Variants in TIFA observed in about 807,000 individuals in gnomAD.
The protein encoded by TIFA is TRAF-interacting protein with FHA domain-containing protein A.
For missense variants in TIFA, 186 were observed against 215.2 expected (o/e 0.86, Z 0.85); for synonymous variants, 75 against 79.2 (o/e 0.95, Z 0.28).
chr4:112,284,290 A>AACAC (rs10522966), intron 1 of TIFA, among the ~76,000 whole-genome samples: 6 of 149,922 alleles, frequency 4.0e-5, no homozygotes, highest in South Asian at 4.2e-4. Flanking sequence ...CCTGCAACAC[A>AACAC]ACACACACAC....
chr4:112,281,780 C>A (rs1439280763), intron 1 of TIFA: 3 of 152,078 alleles, frequency 2.0e-5, no homozygotes, highest in Non-Finnish European at 4.4e-5. Context: ...AGTCTGGGTC[C>A]CAGAGGGAAG....
rs752175610 is a variant in TIFA, at chr4:112,277,889, C to T, written c.528G>A (p.Pro176=). 14 of 1,597,692 alleles carry T rather than the reference C, an allele frequency of 8.8e-6. No homozygotes were observed. In the Admixed American group the frequency reaches 1.6e-4, roughly 19 times the overall value. Residue 176 remains proline, a synonymous_variant, in exon 2 of 2, where the codon CCG becomes CCA. Transcript: ENST00000361717. ...YSLCSSQSSS[P]TEMDENES is the part of the protein sequence containing the mutation. ...ATGACTCATTTTCATCCATTTCTGT[C>T]GGAGAACTGCTTTGGGAGGAGCAGA...
chr4:112,278,877 T>C (rs1051707504), intron 1 of TIFA, among the ~76,000 whole-genome samples: 2 of 152,188 alleles, frequency 1.3e-5, no homozygotes, highest in Admixed American at 1.3e-4. Context: ...AAAGCAAACA[T>C]AGTTTATTAA....
At position 112,278,411 on chromosome 4, in the gene TIFA, G is replaced by A. The variant is rs938463738; in HGVS notation, c.6C>T (p.Thr2=). The A allele has an allele frequency of 2.4e-5, 38 of 1,551,366 alleles. No individual in the cohort carries two copies. The highest frequency in any genetic ancestry group is 3.3e-5 in the Non-Finnish European group (38 of 1,151,128). The part of the protein sequence containing the change: M[T]SFEDADTEET... ...CTTCTGTGTCAGCATCTTCAAAACT[G>A]GTCATGATGTGCACAAGGCCCACCT... is the stretch of plus-strand genomic sequence containing the variant. The change falls in exon 2 of 2, where the codon ACC becomes ACT. Residue 2 remains threonine (T), a synonymous_variant. Transcript: ENST00000361717.
At chr4:112,281,419 C>CTA (rs1204428929) in intron 1 of TIFA, among the ~76,000 whole-genome samples, 1 of 152,152 alleles carries the variant, frequency 6.6e-6, no homozygotes, top group Non-Finnish European at 1.5e-5. Flanking sequence ...GATATATTAT[C>CTA]CACTGTTAGA....
chr4:112,279,735 C>T (rs1462197844), intron 1 of TIFA, among the ~76,000 whole-genome samples: 4 of 151,638 alleles, frequency 2.6e-5, no homozygotes, highest in African/African-American at 9.7e-5. Context: ...GGCGCAATCT[C>T]AGCTCACTGC....
At chr4:112,280,423 C>T (rs1018828062) in intron 1 of TIFA, among the ~76,000 whole-genome samples, 2 of 132,464 alleles carry the variant, frequency 1.5e-5, no homozygotes, top group East Asian at 4.6e-4. Context: ...GATCTTGGCT[C>T]ACTGCAACCT....
Position 112,278,420 on chromosome 4 carries a change from G to A in TIFA, c.-4C>T, listed in dbSNP as rs369263822. On this transcript the variant is annotated 5_prime_UTR_variant, in exon 2 of 2. Coordinates refer to ENST00000361717, the MANE Select transcript of TIFA (RefSeq NM_052864.3). ...CAGCATCTTCAAAACTGGTCATGATGTGCACAAGGCCCACCTGCAATAATT... is the reference window on the plus strand; with the variant it reads ...CAGCATCTTCAAAACTGGTCATGATATGCACAAGGCCCACCTGCAATAATT... The A allele has an allele frequency of 6.5e-7, 1 of 1,544,572 alleles. No individual in the cohort carries two copies. Among genetic ancestry groups the A allele is most frequent in the Non-Finnish European group, 8.7e-7 (1 of 1,148,176 alleles).
At chr4:112,282,875 G>C (rs1341772007) in intron 1 of TIFA, among the ~76,000 whole-genome samples, 1 of 152,130 alleles carries the variant, frequency 6.6e-6, no homozygotes, top group Non-Finnish European at 1.5e-5. Context: ...GCACATTCTG[G>C]GTGTGGATAA....
At position 112,278,287 on chromosome 4, in the gene TIFA, T is replaced by A. The variant is rs1727160438; in HGVS notation, c.130A>T (p.Ser44Cys). The A allele has an allele frequency of 1.9e-6, 3 of 1,614,032 alleles. No individual in the cohort carries two copies. The African/African-American group carries it at 4.0e-5, about 22-fold the overall frequency. The change falls in exon 2 of 2, where the codon AGC becomes TGC. Residue 44 changes from serine (S) to cysteine (C), a missense_variant. Coordinates refer to ENST00000361717, the MANE Select transcript of TIFA (RefSeq NM_052864.3). ...TTTCGGCCAAATTTCACCACTTCGC[T>A]GGAAGGGAGTTTCTCTCTGTTAAAA... ...ISFNREKLPS[S>C]EVVKFGRNSN... is the part of the protein sequence containing the mutation.
intron 1 of TIFA, among the ~76,000 whole-genome samples, chr4:112,280,342 CCTTTTT>C (rs1317398541): frequency 8.7e-6 from 1 of 114,480 alleles, no homozygotes. Flanking sequence ...GCTGGCATTT[CCTTTTT>C]TTTTTTTTTT....
intron 1 of TIFA, among the ~76,000 whole-genome samples, chr4:112,284,732 G>A (rs1376351957): frequency 6.6e-6 from 1 of 151,970 alleles, no homozygotes; most frequent in African/African-American, 2.4e-5. Flanking sequence ...CACAGGAGGG[G>A]AACAGAAACT....
rs1247939258 is a variant in TIFA, at chr4:112,285,700, G to A, written c.-79C>T. 6.6e-6 allele frequency: 1 copy of A among 152,398 alleles called. No individual in the cohort carries two copies. Among genetic ancestry groups the A allele is most frequent in the Non-Finnish European group, 1.5e-5 (1 of 68,192 alleles). 9.4% of individuals were successfully genotyped at this position (152,398 alleles called of 1,614,324 possible). A position where few individuals can be genotyped will look rare whatever the true frequency, so the allele number is the denominator to read the frequency against. The stretch of plus-strand genomic sequence containing the variant: ...TTCGGCTCTCCCGGCTCAGAGCGAG[G>A]GGAATCGAGGAGACTGGGCGCAGGA... On this transcript the variant is annotated 5_prime_UTR_variant, in exon 1 of 2. Coordinates refer to ENST00000361717, the MANE Select transcript of TIFA (RefSeq NM_052864.3).
intron 1 of TIFA, among the ~76,000 whole-genome samples, chr4:112,279,690 G>A (rs1443695471): frequency 8.2e-6 from 1 of 122,534 alleles, no homozygotes; most frequent in Non-Finnish European, 1.7e-5. Context: ...TTTTTTTTTT[G>A]AGACAGGTCT....
chr4:112,275,422 C>T lies in TIFA; in HGVS notation c.*2440G>A, dbSNP rs573313009. ...TGGTAGCTTTCCTCTAACAACCCCG[C>T]TTTGGGGTTGGGTAGCTCAGGCAGA... On this transcript the variant is annotated 3_prime_UTR_variant, in exon 2 of 2. Transcript: ENST00000361717. The T allele has an allele frequency of 1.3e-5, 2 of 152,288 alleles. No homozygotes were observed. Among genetic ancestry groups the T allele is most frequent in the African/African-American group, 4.8e-5 (2 of 41,540 alleles). 9.4% of individuals were successfully genotyped at this position (152,288 alleles called of 1,614,324 possible). A position where few individuals can be genotyped will look rare whatever the true frequency, so the allele number is the denominator to read the frequency against.
intron 1 of TIFA, among the ~76,000 whole-genome samples, chr4:112,281,310 G>A (rs1727223885): frequency 6.6e-6 from 1 of 152,138 alleles, no homozygotes; most frequent in African/African-American, 2.4e-5. Context: ...GTTTTTGTAT[G>A]CTTTATATAA....
Position 112,276,530 on chromosome 4 carries a change from A to T in TIFA, c.*1332T>A, listed in dbSNP as rs1727116585. The T allele has an allele frequency of 6.6e-6, 1 of 152,586 alleles. No individual in the cohort carries two copies. The highest frequency in any genetic ancestry group is 2.4e-5 in the African/African-American group (1 of 41,452). The allele number at this position is 152,586 out of a possible 1,614,324, so 9.5% of individuals were successfully genotyped here. A position where few individuals can be genotyped will look rare whatever the true frequency, so the allele number is the denominator to read the frequency against. ...GGCCATTACTCTGGGCATCACAGGG[A>T]ATAAACAGGAAAACCAGACACAGGA... On this transcript the variant is annotated 3_prime_UTR_variant, in exon 2 of 2. Transcript: ENST00000361717.
rs1727317352 is a variant in TIFA, at chr4:112,285,849, C to T, written c.-228G>A. 1 of 152,372 alleles carries T rather than the reference C, an allele frequency of 6.6e-6. No homozygotes were observed. Among genetic ancestry groups the T allele is most frequent in the Non-Finnish European group, 1.5e-5 (1 of 68,144 alleles). 9.4% of individuals were successfully genotyped at this position (152,372 alleles called of 1,614,324 possible). A position where few individuals can be genotyped will look rare whatever the true frequency, so the allele number is the denominator to read the frequency against. ...CCTCCCGCGCTCCCGCGCGCGCGGC[C>T]TGCCTTCCCACTGGCTGGCAGAGCA... On this transcript the variant is annotated 5_prime_UTR_variant, in exon 1 of 2. Transcript: ENST00000361717.
At chr4:112,285,163 A>G (rs550419157) in intron 1 of TIFA, among the ~76,000 whole-genome samples, 1 of 152,194 alleles carries the variant, frequency 6.6e-6, no homozygotes, top group Admixed American at 6.5e-5. Flanking sequence ...CATGAACCAG[A>G]CTGAAGCAAG....
Sources: allele counts gnomAD v4.1 joint callset (sites outside exome capture counted in the v4.1 genomes callset), GRCh38; gene constraint gnomAD v4.1.1; transcripts MANE v1.5; gene names NCBI Gene and HGNC (gene_info 2026-07-23, HGNC 2026-07-21).